The following NETO2 variants were observed in gnomAD, a reference collection of about 807,000 sequenced individuals.
NETO2 encodes the protein neuropilin and tolloid like 2, also known as neuropilin and tolloid-like protein 2.
NETO2 carries 28 observed loss-of-function variants against 62.5 expected under a neutral mutation model. The observed-to-expected ratio is 0.45, with a 90% CI of 0.33 to 0.61. The LOEUF is 0.61. Ranked by LOEUF, NETO2 falls within the 20% of genes least tolerant of loss-of-function variation. The pLI is 0.02. For missense variants in NETO2, 548 were observed against 643.2 expected, an observed-to-expected ratio of 0.85 and a Z score of 1.60; for synonymous variants, 214 against 219.1, an observed-to-expected ratio of 0.98 and a Z score of 0.21.
chr16:47,115,497 C>T (rs1301957778), intron 6 of NETO2, among the ~76,000 whole-genome samples: 1 of 150,824 alleles, frequency 6.6e-6, no homozygotes, highest in Non-Finnish European at 1.5e-5. Context: ...TTTTGAACTA[C>T]AGTTTTCATT....
intron 2 of NETO2, among the ~76,000 whole-genome samples, chr16:47,131,382 T>C (rs762709412): frequency 3.3e-5 from 5 of 152,234 alleles, no homozygotes; most frequent in Non-Finnish European, 5.9e-5. Context: ...AGAGTGATTA[T>C]TTCCATGGAG....
At chr16:47,089,466 G>A (rs1218219024) in intron 7 of NETO2, among the ~76,000 whole-genome samples, 1 of 152,210 alleles carries the variant, frequency 6.6e-6, no homozygotes, top group African/African-American at 2.4e-5. Context: ...ATGAGACTAT[G>A]CAATCAGTGG....
intron 7 of NETO2, among the ~76,000 whole-genome samples, chr16:47,095,172 A>ACAATCTC (rs2143835274): frequency 6.6e-6 from 1 of 152,356 alleles, no homozygotes; most frequent in East Asian, 1.9e-4. Flanking sequence ...TCATAAAAAC[A>ACAATCTC]CAATCTCCAT....
In NETO2 at chr16:47,078,020, C is replaced by T. The variant is rs561341943; in HGVS notation, c.*5201G>A. 2 of 152,362 alleles carry T rather than the reference C, an allele frequency of 1.3e-5. No individual in the cohort carries two copies. Among genetic ancestry groups the T allele is most frequent in the African/African-American group, 4.8e-5 (2 of 41,594 alleles). 9.4% of individuals were successfully genotyped at this position (152,362 alleles called of 1,614,324 possible). On this transcript the variant is annotated 3_prime_UTR_variant, in exon 9 of 9. Coordinates refer to ENST00000562435, the MANE Select transcript of NETO2 (RefSeq NM_018092.5). ...CCAGCCCACTCTGTGACAGTCCTCA[C>T]TGCCTCTTCAGTGACCGGATGCAGC...
At chr16:47,111,488 C>T (rs1245163956) in intron 6 of NETO2, among the ~76,000 whole-genome samples, 1 of 152,100 alleles carries the variant, frequency 6.6e-6, no homozygotes, top group Non-Finnish European at 1.5e-5. Context: ...ATATTCATAA[C>T]GTGAATCTGA....
chr16:47,134,187 A>G (rs1178146536), intron 1 of NETO2, among the ~76,000 whole-genome samples: 1 of 152,220 alleles, frequency 6.6e-6, no homozygotes, highest in Non-Finnish European at 1.5e-5. Context: ...AAAGTCACCA[A>G]CGTAGAAATG....
chr16:47,127,657 C>CA (rs1964184477), intron 4 of NETO2, among the ~76,000 whole-genome samples: 4 of 152,288 alleles, frequency 2.6e-5, no homozygotes, highest in Admixed American at 2.6e-4. Context: ...AGGCCCTGCT[C>CA]AATTTTGGAC....
At position 47,083,799 on chromosome 16, in the gene NETO2, T is replaced by C. The variant is rs770405045; in HGVS notation, c.1000A>G (p.Lys334Glu). 1 of 1,568,904 alleles carries C rather than the reference T, an allele frequency of 6.4e-7. No homozygotes were observed. Among genetic ancestry groups the C allele is most frequent in the East Asian group, 2.3e-5 (1 of 44,222 alleles). The part of the protein sequence containing the change: ...YPWDENHCKE[K>E]KKAGVFEQIT... Reference sequence around the variant, plus strand: ...TGTTCAAATACTCCTGCTTTTTTCTTTTCTGCAGAAAGAAAATGAGAAACG... The same window carrying C: ...TGTTCAAATACTCCTGCTTTTTTCTCTTCTGCAGAAAGAAAATGAGAAACG... Residue 334 changes from lysine to glutamate, a missense_variant and splice_region_variant, in exon 9 of 9, where the codon AAG (lysine) becomes GAG (glutamate). Physicochemically the swap from Lys to Glu is moderately conservative, Grantham distance 56. Coordinates refer to ENST00000562435, the MANE Select transcript of NETO2 (RefSeq NM_018092.5).
At chr16:47,116,136 T>G (rs1963916048) in intron 6 of NETO2, among the ~76,000 whole-genome samples, 1 of 148,052 alleles carries the variant, frequency 6.8e-6, no homozygotes, top group African/African-American at 2.6e-5. Flanking sequence ...AGCTGTAGGG[T>G]TTTCTGTTTT....
chr16:47,126,682 C>G (rs1249391875), intron 4 of NETO2, among the ~76,000 whole-genome samples: 1 of 152,150 alleles, frequency 6.6e-6, no homozygotes, highest in Non-Finnish European at 1.5e-5. Context: ...ATGCACCACT[C>G]TCGTGCAAGA....
intron 8 of NETO2, 30 bp downstream of exon 8, chr16:47,086,196 C>A (rs766724784): frequency 3.9e-6 from 5 of 1,287,654 alleles, no homozygotes; most frequent in Admixed American, 1.7e-5. Context: ...ACTCTTTTCT[C>A]AAAAATGTTG....
chr16:47,089,847 T>C (rs1015428836), intron 7 of NETO2, among the ~76,000 whole-genome samples: 1 of 152,222 alleles, frequency 6.6e-6, no homozygotes, highest in Non-Finnish European at 1.5e-5. Flanking sequence ...ATAGCATTTT[T>C]GATTTCCTCA....
intron 7 of NETO2, among the ~76,000 whole-genome samples, chr16:47,105,144 T>C (rs1253289324): frequency 1.3e-5 from 2 of 152,110 alleles, no homozygotes; most frequent in African/African-American, 4.8e-5. Context: ...GCAATCCTCC[T>C]GCCTCAGCCT....
Position 47,132,000 on chromosome 16 carries a change from C to T in NETO2, c.60G>A (p.Val20=). ...TTTTTTGGGCCACGGCAATCCCTTC[C>T]ACTACCAGTACTGTTATTAACAACA... ...LKVLLITVLV[V]EGIAVAQKTQ... is the part of the protein sequence containing the mutation. The change falls in exon 2 of 9, where the codon GTG becomes GTA. Residue 20 remains valine, a synonymous_variant. Transcript: ENST00000562435. 6.2e-7 allele frequency: 1 copy of T among 1,612,578 alleles called. No homozygotes were observed. Among genetic ancestry groups the T allele is most frequent in the South Asian group, 1.1e-5 (1 of 90,998 alleles).
intron 8 of NETO2, among the ~76,000 whole-genome samples, chr16:47,084,461 C>T (rs1239745306): frequency 6.6e-6 from 1 of 152,154 alleles, no homozygotes; most frequent in East Asian, 1.9e-4. Context: ...CTGCTGCTCC[C>T]CATCACTCGC....
In NETO2 at chr16:47,143,584, A is replaced by G; in HGVS notation, c.29T>C (p.Leu10Pro). Reference protein sequence around the residue: MALERLCSVLKVLLITVLVV... With the variant: MALERLCSVPKVLLITVLVV... ...GCCCCAGCCCCGGTCCTTACCTTTG[A>G]GGACCGAGCAGAGCCGCTCCAGGGC... Residue 10 changes from leucine (L) to proline (P), a missense_variant, in exon 1 of 9, where the codon CTC becomes CCC. By Grantham distance (98) the Leu-to-Pro change is moderately conservative. Transcript: ENST00000562435. The G allele has an allele frequency of 2.5e-6, 3 of 1,222,876 alleles. No homozygotes were observed. The Admixed American group carries it at 1.3e-4, about 53-fold the overall frequency. The allele number at this position is 1,222,876 out of a possible 1,614,324, so 75.8% of individuals were successfully genotyped here.
chr16:47,116,154 T>C (rs1188622153), intron 6 of NETO2, among the ~76,000 whole-genome samples: 1 of 151,478 alleles, frequency 6.6e-6, no homozygotes, highest in Non-Finnish European at 1.5e-5. Context: ...TTTTTTTTTT[T>C]TTTTCTAAGA....
chr16:47,084,732 G>A (rs1963147628), intron 8 of NETO2, among the ~76,000 whole-genome samples: 1 of 152,200 alleles, frequency 6.6e-6, no homozygotes, highest in Non-Finnish European at 1.5e-5. Context: ...CCAAGTGCAT[G>A]TGAGGGATAT....
rs1274843792 is a variant in NETO2 at position 47,082,239 on chromosome 16, T to C, written c.*982A>G. 1 of 152,606 alleles carries C rather than the reference T, an allele frequency of 6.6e-6. No individual in the cohort carries two copies. Among genetic ancestry groups the C allele is most frequent in the Non-Finnish European group, 1.5e-5 (1 of 68,022 alleles). 9.5% of individuals were successfully genotyped at this position (152,606 alleles called of 1,614,324 possible). A position where few individuals can be genotyped will look rare whatever the true frequency, so the allele number is the denominator to read the frequency against. ...CAAGGCTCATCCAATTTCTAAGGAA[T>C]TTTAACTGGCATCTAACCTTGGTTA... On this transcript the variant is annotated 3_prime_UTR_variant, in exon 9 of 9. Transcript: ENST00000562435.
Sources: gnomAD v4.1 joint callset for allele counts (sites outside exome capture counted in the v4.1 genomes callset) on GRCh38, gnomAD v4.1.1 for gene constraint, MANE v1.5 for transcripts, NCBI Gene and HGNC (gene_info 2026-07-23, HGNC 2026-07-21) for gene names.